The following NSMCE2 variants were observed in gnomAD, a reference collection of about 807,000 sequenced individuals.
NSMCE2 encodes the protein NSE2 SUMO ligase component of SMC5/6 complex.
NSMCE2 carries 24 observed loss-of-function variants against 23.8 expected under a neutral mutation model. The observed-to-expected ratio is 1.01, with a 90% CI of 0.73 to 1.42. The LOEUF (loss-of-function observed/expected upper bound fraction) is 1.42, where lower values mean the gene tolerates loss of function less well. Ranked by LOEUF, NSMCE2 falls within the 40% of genes most tolerant of loss-of-function variation. The pLI, the probability that NSMCE2 is intolerant of heterozygous loss-of-function variation, is 0.00. For missense variants in NSMCE2, 284 were observed against 296.5 expected (o/e 0.96, Z 0.31); for synonymous variants, 92 against 94.1 (o/e 0.98, Z 0.13).
chr8:125,219,728 A>G (rs1824764255), intron 5 of NSMCE2, among the ~76,000 whole-genome samples: 2 of 152,250 alleles, frequency 1.3e-5, no homozygotes, highest in South Asian at 4.1e-4. Context: ...TATTTTATAA[A>G]GAATTAATAA....
intron 5 of NSMCE2, among the ~76,000 whole-genome samples, chr8:125,285,975 A>T (rs527625335): frequency 2.2e-3 from 334 of 152,046 alleles, no homozygotes; most frequent in African/African-American, 7.6e-3. Flanking sequence ...ATTAGGATGT[A>T]CCTTGGAATC....
intron 3 of NSMCE2, among the ~76,000 whole-genome samples, chr8:125,103,317 GA>G (rs1403435077): frequency 6.6e-6 from 1 of 151,278 alleles, no homozygotes; most frequent in African/African-American, 2.4e-5. Context: ...AAAAAAAAAA[GA>G]AAAAAGATGT....
chr8:125,133,782 C>T (rs978694937), intron 3 of NSMCE2, among the ~76,000 whole-genome samples: 2 of 145,590 alleles, frequency 1.4e-5, no homozygotes, highest in African/African-American at 5.4e-5. Context: ...AAAACCAAAA[C>T]AAAAAAAAAG....
At chr8:125,200,694 T>C (rs1470689246) in intron 5 of NSMCE2, among the ~76,000 whole-genome samples, 1 of 152,166 alleles carries the variant, frequency 6.6e-6, no homozygotes, top group Non-Finnish European at 1.5e-5. Flanking sequence ...GGTGTTCTTA[T>C]ATTTCCTGAG....
At chr8:125,353,755 C>T (rs879358237) in intron 5 of NSMCE2, among the ~76,000 whole-genome samples, 15 of 151,486 alleles carry the variant, frequency 9.9e-5, no homozygotes, top group Non-Finnish European at 1.8e-4. Context: ...TGGTGGTGGA[C>T]GCCTGTAGTC....
At chr8:125,123,810 A>G (rs1344548668) in intron 3 of NSMCE2, among the ~76,000 whole-genome samples, 1 of 152,134 alleles carries the variant, frequency 6.6e-6, no homozygotes, top group Non-Finnish European at 1.5e-5. Context: ...ATAGTATTTC[A>G]CCTTGTTTTT....
chr8:125,114,420 C>T (rs1322371569), intron 3 of NSMCE2, among the ~76,000 whole-genome samples: 1 of 152,140 alleles, frequency 6.6e-6, no homozygotes, highest in African/African-American at 2.4e-5. Flanking sequence ...TAAAAATTTC[C>T]TCTGATTGTC....
chr8:125,107,807 G>A (rs1323841381), intron 3 of NSMCE2, among the ~76,000 whole-genome samples: 3 of 152,198 alleles, frequency 2.0e-5, no homozygotes, highest in Non-Finnish European at 4.4e-5. Flanking sequence ...GCCAACCTGG[G>A]CAGATTGCTT....
At chr8:125,154,874 G>T (rs1821230085) in intron 4 of NSMCE2, among the ~76,000 whole-genome samples, 1 of 152,114 alleles carries the variant, frequency 6.6e-6, no homozygotes, top group African/African-American at 2.4e-5. Flanking sequence ...ATGACCTGAT[G>T]TTTCCTCCCT....
intron 3 of NSMCE2, among the ~76,000 whole-genome samples, chr8:125,122,739 A>G (rs1173077907): frequency 6.6e-6 from 1 of 152,170 alleles, no homozygotes; most frequent in African/African-American, 2.4e-5. Context: ...CTTTGCACTC[A>G]GTTGTATTTC....
chr8:125,128,485 A>T (rs540555740), intron 3 of NSMCE2, among the ~76,000 whole-genome samples: 4 of 152,224 alleles, frequency 2.6e-5, no homozygotes, highest in Admixed American at 6.5e-5. Flanking sequence ...CAAATTTCTG[A>T]CATACGCATC....
At chr8:125,145,869 C>T (rs978278262) in intron 3 of NSMCE2, among the ~76,000 whole-genome samples, 5 of 152,164 alleles carry the variant, frequency 3.3e-5, no homozygotes, top group East Asian at 1.9e-4. Context: ...CAAGCTTGAC[C>T]TCTTAGCAGC....
intron 4 of NSMCE2, among the ~76,000 whole-genome samples, chr8:125,179,043 T>A (rs1438233035): frequency 6.6e-6 from 1 of 152,140 alleles, no homozygotes; most frequent in African/African-American, 2.4e-5. Context: ...ACTTCTTAAT[T>A]CCAGAACTGT....
intron 3 of NSMCE2, among the ~76,000 whole-genome samples, chr8:125,122,385 TA>T (rs1819311433): frequency 6.6e-6 from 1 of 152,138 alleles, no homozygotes; most frequent in Non-Finnish European, 1.5e-5. Context: ...AAATGGTAGT[TA>T]TTACCTTCTA....
chr8:125,357,365 A>C (rs751696383), intron 6 of NSMCE2, 46 bp downstream of exon 6: 4 of 1,263,154 alleles, frequency 3.2e-6, no homozygotes, highest in Non-Finnish European at 4.6e-6. Context: ...GATTCACTTC[A>C]CAGAGGCAGA....
chr8:125,272,318 T>A (rs1827237497), intron 5 of NSMCE2, among the ~76,000 whole-genome samples: 1 of 151,740 alleles, frequency 6.6e-6, no homozygotes, highest in African/African-American at 2.4e-5. Flanking sequence ...CCGGCAAATC[T>A]GCAGTTTCTT....
At chr8:125,256,664 G>A (rs372461053) in intron 5 of NSMCE2, among the ~76,000 whole-genome samples, 3 of 152,170 alleles carry the variant, frequency 2.0e-5, no homozygotes, top group African/African-American at 7.2e-5. Flanking sequence ...GGTGGCTCAC[G>A]CCTGTAATCC....
At chr8:125,269,274 G>C (rs1447253662) in intron 5 of NSMCE2, among the ~76,000 whole-genome samples, 2 of 152,074 alleles carry the variant, frequency 1.3e-5, no homozygotes, top group African/African-American at 4.8e-5. Context: ...TTTTAGTAAA[G>C]ACAGGGTTTC....
chr8:125,227,800 A>AT (rs1825164617), intron 5 of NSMCE2, among the ~76,000 whole-genome samples: 1 of 152,160 alleles, frequency 6.6e-6, no homozygotes, highest in Non-Finnish European at 1.5e-5. Flanking sequence ...ACATAATAAC[A>AT]TTTTGTGGTT....
Sources: gnomAD v4.1 joint callset for allele counts (sites outside exome capture counted in the v4.1 genomes callset) on GRCh38, gnomAD v4.1.1 for gene constraint, MANE v1.5 for transcripts, NCBI Gene and HGNC (gene_info 2026-07-23, HGNC 2026-07-21) for gene names.